The following PDE4D variants were observed in gnomAD, a reference collection of about 807,000 sequenced individuals.
PDE4D encodes the protein phosphodiesterase 4D.
Under a neutral mutation model 87.4 loss-of-function variants are expected in PDE4D, and 24 were observed. The observed-to-expected ratio is 0.27, with a 90% confidence interval of 0.20 to 0.39. The LOEUF (loss-of-function observed/expected upper bound fraction) is 0.39, where lower values mean the gene tolerates loss of function less well. PDE4D is among the 10% of genes least tolerant of loss of function. The pLI, the probability that PDE4D is intolerant of heterozygous loss-of-function variation, is 1.00. For missense variants in PDE4D, 714 were observed against 1,041.0 expected (o/e 0.69, Z 4.32); for synonymous variants, 384 against 383.2 (o/e 1.00, Z -0.02).
At chr5:59,808,327 T>C (rs1256708705) in intron 1 of PDE4D, among the ~76,000 whole-genome samples, 1 of 152,256 alleles carries the variant, frequency 6.6e-6, no homozygotes, top group African/African-American at 2.4e-5. Flanking sequence ...TCTTACTTCC[T>C]GGTTCCTGAG....
intron 1 of PDE4D, among the ~76,000 whole-genome samples, chr5:60,501,592 G>T (rs963761534): frequency 2.0e-5 from 3 of 151,466 alleles, no homozygotes; most frequent in Non-Finnish European, 2.9e-5. Context: ...TTCCACAATG[G>T]TTGAACTGGT....
At chr5:60,303,761 G>C (rs180814138) in intron 1 of PDE4D, among the ~76,000 whole-genome samples, 86 of 152,288 alleles carry the variant, frequency 5.6e-4, no homozygotes, top group Admixed American at 1.8e-3. Context: ...TGAAAAGAAC[G>C]TATATTCTGT....
chr5:60,421,889 T>C (rs1271869738), intron 1 of PDE4D, among the ~76,000 whole-genome samples: 1 of 152,196 alleles, frequency 6.6e-6, no homozygotes, highest in Non-Finnish European at 1.5e-5. Flanking sequence ...GAGAACTTCG[T>C]GATGCATGCA....
At chr5:60,346,910 C>T (rs1355675023) in intron 1 of PDE4D, among the ~76,000 whole-genome samples, 1 of 152,048 alleles carries the variant, frequency 6.6e-6, no homozygotes, top group African/African-American at 2.4e-5. Flanking sequence ...ACTATATAGG[C>T]TAATTATTTA....
chr5:59,687,270 T>A (rs1437834142), intron 1 of PDE4D, among the ~76,000 whole-genome samples: 9 of 152,030 alleles, frequency 5.9e-5, no homozygotes, highest in African/African-American at 1.9e-4. Context: ...CCAAGACACA[T>A]AATTTTCAGA....
intron 1 of PDE4D, among the ~76,000 whole-genome samples, chr5:59,226,981 CACTA>C (rs889264018): frequency 1.3e-5 from 2 of 152,050 alleles, no homozygotes; most frequent in African/African-American, 4.8e-5. Context: ...ATGTGCTGAC[CACTA>C]ACTAAGAGTA....
At chr5:59,405,592 A>G (rs6874460) in intron 1 of PDE4D, among the ~76,000 whole-genome samples, 26,305 of 152,098 alleles carry the variant, frequency 0.17, 3,056 homozygotes, top group African/African-American at 0.32. Context: ...CTCAAGGGGT[A>G]ATGGACATCC....
chr5:59,661,029 A>G lies in PDE4D; in HGVS notation c.455+232139T>C, dbSNP rs185295371. Among the ~76,000 whole-genome samples, 17 of 149,834 alleles carry G rather than the reference A, an allele frequency of 1.1e-4. 1 individual carries two copies. The East Asian group carries it at 2.1e-3, about 19-fold the overall frequency. ...AAAGGGTGGTTTTACTGATATATTT[A>G]TAATCCCAGGAGCAGTTTGCCAGCA... On this transcript the variant is annotated intron_variant, in intron 1 of 14. Transcript: ENST00000340635.
intron 1 of PDE4D, among the ~76,000 whole-genome samples, chr5:59,219,505 T>A (rs1269211202): frequency 6.6e-6 from 1 of 152,096 alleles, no homozygotes; most frequent in Non-Finnish European, 1.5e-5. Flanking sequence ...ATGTCAGTAT[T>A]AGTGAATGAC....
intron 1 of PDE4D, among the ~76,000 whole-genome samples, chr5:59,653,271 A>G (rs927225021): frequency 1.4e-5 from 2 of 144,026 alleles, no homozygotes; most frequent in Non-Finnish European, 3.0e-5. Flanking sequence ...CAGTGGCACA[A>G]TCTCTGCTCA....
intron 2 of PDE4D, among the ~76,000 whole-genome samples, chr5:60,107,031 A>T (rs967616555): frequency 2.0e-5 from 3 of 152,034 alleles, no homozygotes; most frequent in African/African-American, 7.2e-5. Context: ...AAGGAAATAG[A>T]GACACAAAAA....
rs187341688 is a variant in PDE4D at position 59,851,926 on chromosome 5, G to A, written c.455+41242C>T. Among the ~76,000 whole-genome samples the A allele has an allele frequency of 8.5e-5, 13 of 152,090 alleles. No individual in the cohort carries two copies. In the East Asian group the frequency reaches 1.6e-3, roughly 18 times the overall value. On this transcript the variant is annotated intron_variant, in intron 1 of 14. Transcript: ENST00000340635. ...TGGCTAACACCTTGGTTTCAACCTC[G>A]AGCTAAGAACCCAGCTACCCTTTGC...
intron 1 of PDE4D, among the ~76,000 whole-genome samples, chr5:59,692,348 A>G (rs1024694016): frequency 6.6e-6 from 1 of 152,172 alleles, no homozygotes; most frequent in African/African-American, 2.4e-5. Context: ...ATGGTTCTAT[A>G]GCAAAGCAGA....
At position 59,621,010 on chromosome 5, in the gene PDE4D, CT is replaced by C. The variant is rs531970502; in HGVS notation, c.455+272157del. The stretch of plus-strand genomic sequence containing the variant: ...GAAATCTCCTATACTCTCATTTCCT[CT>C]TTTTTTTTTGTGGCCCCCTAGAGTA... On this transcript the variant is annotated intron_variant, in intron 1 of 14. Transcript: ENST00000340635. 2.1e-3 allele frequency among the ~76,000 whole-genome samples: 308 copies of C among 148,152 alleles called. 2 individuals are homozygous for C. Among genetic ancestry groups the C allele is most frequent in the African/African-American group, 5.2e-3 (213 of 40,616 alleles).
intron 1 of PDE4D, among the ~76,000 whole-genome samples, chr5:59,537,521 C>T (rs1815499744): frequency 6.6e-6 from 1 of 152,142 alleles, no homozygotes; most frequent in South Asian, 2.1e-4. Context: ...ATTCTCAAGG[C>T]TAGTTGAAAT....
At chr5:60,045,166 T>C (rs1443714141) in intron 2 of PDE4D, among the ~76,000 whole-genome samples, 4 of 151,972 alleles carry the variant, frequency 2.6e-5, no homozygotes, top group Admixed American at 1.3e-4. Flanking sequence ...ATGTCATCTT[T>C]TGAGAAGTGT....
chr5:59,754,424 T>A (rs913691899), intron 1 of PDE4D, among the ~76,000 whole-genome samples: 1 of 152,124 alleles, frequency 6.6e-6, no homozygotes, highest in Non-Finnish European at 1.5e-5. Context: ...TCAGACCTAT[T>A]GTGGGTGCAG....
intron 1 of PDE4D, among the ~76,000 whole-genome samples, chr5:59,287,594 G>T (rs1405634445): frequency 6.6e-6 from 1 of 152,046 alleles, no homozygotes; most frequent in Non-Finnish European, 1.5e-5. Flanking sequence ...AGTGGTTACT[G>T]CAGGCTTTGG....
chr5:59,041,039 T>C (rs1325833577), intron 5 of PDE4D, among the ~76,000 whole-genome samples: 2 of 152,214 alleles, frequency 1.3e-5, no homozygotes, highest in African/African-American at 4.8e-5. Context: ...AATTTGCCTC[T>C]TTTTTGTTCT....
Sources: gnomAD v4.1 joint callset for allele counts (sites outside exome capture counted in the v4.1 genomes callset) on GRCh38, gnomAD v4.1.1 for gene constraint, MANE v1.5 for transcripts, NCBI Gene and HGNC (gene_info 2026-07-23, HGNC 2026-07-21) for gene names.